Variants in UGT1A7 observed in about 807,000 individuals in gnomAD.
UGT1A7 encodes the protein UDP glucuronosyltransferase family 1 member A7, also known as UDP-glucuronosyltransferase 1A7.
UGT1A7 carries 33 observed loss-of-function variants against 45.6 expected under a neutral mutation model. That is an observed-to-expected ratio of 0.72 (90% CI 0.55 to 0.97). The LOEUF (loss-of-function observed/expected upper bound fraction) is 0.97. Ranked by LOEUF, UGT1A7 falls within the 50% of genes least tolerant of loss-of-function variation. UGT1A7 has a pLI of 0.00. For synonymous variants in UGT1A7, 274 were observed against 250.6 expected (o/e 1.09, Z -0.88); for missense variants, 684 against 666.2 (o/e 1.03, Z -0.29).
chr2:233,723,050 G>T (rs1208688068), intron 1 of UGT1A7, among the ~76,000 whole-genome samples: 1 of 140,678 alleles, frequency 7.1e-6, no homozygotes, highest in African/African-American at 2.7e-5. Flanking sequence ...AGGCACACTC[G>T]GTGTAACTTT....
intron 1 of UGT1A7, among the ~76,000 whole-genome samples, chr2:233,749,165 T>C (rs1694132645): frequency 6.6e-6 from 1 of 151,910 alleles, no homozygotes; most frequent in Non-Finnish European, 1.5e-5. Flanking sequence ...TCCTTTTGTA[T>C]TTTTATTTCT....
At chr2:233,737,644 A>G (rs548345975) in intron 1 of UGT1A7, among the ~76,000 whole-genome samples, 1 of 152,248 alleles carries the variant, frequency 6.6e-6, no homozygotes, top group Admixed American at 6.5e-5. Context: ...TGCGTCGATC[A>G]TGCTGGGAGC....
chr2:233,688,400 A>G (rs2074892295), intron 1 of UGT1A7, among the ~76,000 whole-genome samples: 1 of 152,170 alleles, frequency 6.6e-6, no homozygotes, highest in Non-Finnish European at 1.5e-5. Flanking sequence ...TGATGTTCTA[A>G]TTTTCGAGCC....
chr2:233,700,872 C>T (rs2075594705), intron 1 of UGT1A7, among the ~76,000 whole-genome samples: 1 of 152,050 alleles, frequency 6.6e-6, no homozygotes, highest in African/African-American at 2.4e-5. Flanking sequence ...TCCCTCCCTC[C>T]TCCCCCCACC....
chr2:233,721,241 A>G (rs2076930397), intron 1 of UGT1A7, among the ~76,000 whole-genome samples: 1 of 152,202 alleles, frequency 6.6e-6, no homozygotes, highest in African/African-American at 2.4e-5. Context: ...ACTGAATTGT[A>G]AAAAATATAT....
intron 1 of UGT1A7, among the ~76,000 whole-genome samples, chr2:233,704,960 A>AC (rs1240949729): frequency 6.6e-6 from 1 of 152,052 alleles, no homozygotes; most frequent in Non-Finnish European, 1.5e-5. Flanking sequence ...ACATGGTGAA[A>AC]CCCCATCTCT....
chr2:233,771,578 C>T (rs531656313), intron 4 of UGT1A7: 100 of 152,372 alleles, frequency 6.6e-4, no homozygotes, highest in African/African-American at 2.3e-3. Flanking sequence ...TGGTTGTTTA[C>T]AACTTCAAAT....
chr2:233,690,599 A>G, intron 1 of UGT1A7: 1 of 1,289,594 alleles, frequency 7.8e-7, no homozygotes. Flanking sequence ...AAAAAAAAAA[A>G]ATCGGCCTTT....
intron 1 of UGT1A7, among the ~76,000 whole-genome samples, chr2:233,751,602 T>C (rs1694760263): frequency 6.6e-6 from 1 of 152,210 alleles, no homozygotes; most frequent in Non-Finnish European, 1.5e-5. Context: ...GGATGGGACC[T>C]GGTGGGAGGT....
At chr2:233,754,984 G>A (rs527779009) in intron 1 of UGT1A7, 1 of 1,295,398 alleles carries the variant, frequency 7.7e-7, no homozygotes, top group Non-Finnish European at 1.0e-6. Context: ...ACCTCGGCGG[G>A]GTCACGGAAG....
Position 233,769,857 on chromosome 2 carries a change from CAAAAAA to C in UGT1A7, c.1295+1430_1295+1435del. 2.7e-5 allele frequency: 6 copies of C among 223,658 alleles called. No homozygotes were observed. Among genetic ancestry groups the C allele is most frequent in the Non-Finnish European group, 3.2e-5 (4 of 125,112 alleles). The allele number at this position is 223,658 out of a possible 1,614,324, so 13.9% of individuals were successfully genotyped here. On this transcript the variant is annotated intron_variant, in intron 4 of 4. Transcript: ENST00000373426. This position sits in a 1 kb window ranked among gnomAD's most constrained non-coding sequence, Gnocchi z 4.4. ...TGGGCAACAGAGTGAGACCCTGTCT[CAAAAAA>C]AAAAAAAAAAATGAAAAGTCCACAT...
At chr2:233,761,290 C>T in intron 1 of UGT1A7, 1 of 1,537,354 alleles carries the variant, frequency 6.5e-7, no homozygotes, top group Non-Finnish European at 8.8e-7. Context: ...TTTTTGACTC[C>T]TAGGTTTGAG....
intron 1 of UGT1A7, among the ~76,000 whole-genome samples, chr2:233,766,240 CT>C (rs1055344910): frequency 2.0e-5 from 3 of 151,920 alleles, no homozygotes; most frequent in African/African-American, 7.3e-5. Flanking sequence ...AGGGTTTCCC[CT>C]GGAGTCAGAC....
intron 1 of UGT1A7, among the ~76,000 whole-genome samples, chr2:233,715,929 T>C (rs1446549427): frequency 1.3e-5 from 2 of 152,168 alleles, no homozygotes; most frequent in Non-Finnish European, 2.9e-5. Context: ...CTCAGGAGTT[T>C]CAGCTCTTGT....
intron 1 of UGT1A7, among the ~76,000 whole-genome samples, chr2:233,715,827 T>C (rs1034549084): frequency 6.6e-6 from 1 of 152,092 alleles, no homozygotes; most frequent in African/African-American, 2.4e-5. Flanking sequence ...TTAGAAAACA[T>C]TTTTTTAAAA....
intron 1 of UGT1A7, among the ~76,000 whole-genome samples, chr2:233,751,808 C>G (rs1373463775): frequency 6.6e-6 from 1 of 152,150 alleles, no homozygotes; most frequent in Non-Finnish European, 1.5e-5. Flanking sequence ...TTGTAAGTTT[C>G]CTGAGGCCTC....
chr2:233,699,856 T>A (rs904359960), intron 1 of UGT1A7, among the ~76,000 whole-genome samples: 1 of 152,216 alleles, frequency 6.6e-6, no homozygotes, highest in South Asian at 2.1e-4. Flanking sequence ...AGGACAGATA[T>A]GTCTGAAGAC....
At position 233,718,885 on chromosome 2, in the gene UGT1A7, T is replaced by C. The variant is rs774756189; in HGVS notation, c.855+36093T>C. ...ACAGGACTGCTGCTCCTCCTCAGTG[T>C]CCAGCCCTGGGCTGAGAGTGGAAAG... On this transcript the variant is annotated intron_variant, in intron 1 of 4. Transcript: ENST00000373426. The C allele has an allele frequency of 6.2e-6, 10 of 1,613,986 alleles. No individual in the cohort carries two copies. Among genetic ancestry groups the C allele is most frequent in the Middle Eastern group, 1.7e-4 (1 of 5,990 alleles).
intron 1 of UGT1A7, chr2:233,719,094 G>C (rs376370143): frequency 8.7e-6 from 14 of 1,614,082 alleles, no homozygotes; most frequent in Admixed American, 1.7e-5. Flanking sequence ...ATTTGATCGC[G>C]TTACGCTGGG....
Sources: gnomAD v4.1 joint callset for allele counts (sites outside exome capture counted in the v4.1 genomes callset) on GRCh38, gnomAD v4.1.1 for gene constraint, Gnocchi (gnomAD v3.1) non-coding constraint, MANE v1.5 for transcripts, NCBI Gene and HGNC (gene_info 2026-07-23, HGNC 2026-07-21) for gene names.